The following AJAP1 variants were observed in gnomAD, a reference collection of about 807,000 sequenced individuals.
AJAP1 encodes adherens junctions associated protein 1.
AJAP1 carries 5 observed loss-of-function variants against 35.0 expected under a neutral mutation model. The ratio of observed to expected loss-of-function variants is 0.14; its 90% CI spans 0.07 to 0.30. The LOEUF (loss-of-function observed/expected upper bound fraction) is 0.30, where lower values mean the gene tolerates loss of function less well. Among genes scored for constraint, AJAP1 ranks in the 10% least tolerant of loss-of-function variants. The pLI, the probability that AJAP1 is intolerant of heterozygous loss-of-function variation, is 1.00. For missense variants in AJAP1, 586 were observed against 571.0 expected, an observed-to-expected ratio of 1.03 and a Z score of -0.27; for synonymous variants, 284 against 249.3, an observed-to-expected ratio of 1.14 and a Z score of -1.31.
chr1:4,695,640 A>G (rs777266239), intron 1 of AJAP1, among the ~76,000 whole-genome samples: 4 of 152,158 alleles, frequency 2.6e-5, no homozygotes, highest in Non-Finnish European at 4.4e-5. Context: ...AGGTGTCTGC[A>G]GGGCTGGTTC....
At chr1:4,716,253 T>C (rs1008008409) in intron 2 of AJAP1, among the ~76,000 whole-genome samples, 1 of 152,220 alleles carries the variant, frequency 6.6e-6, no homozygotes, top group African/African-American at 2.4e-5. Flanking sequence ...GGAAATCTTT[T>C]TGAGTTTCAG....
Position 4,692,295 on chromosome 1 carries a change from C to T in AJAP1, c.30-19605C>T, listed in dbSNP as rs1639758983. Among the ~76,000 whole-genome samples, 2 of 152,154 alleles carry T rather than the reference C, an allele frequency of 1.3e-5. 1 individual carries two copies. Among genetic ancestry groups the T allele is most frequent in the South Asian group, 4.1e-4 (2 of 4,834 alleles). On this transcript the variant is annotated intron_variant, in intron 1 of 5. Transcript: ENST00000378191. This position sits in a 1 kb window ranked among gnomAD's most constrained non-coding sequence, Gnocchi z 4.4. The stretch of plus-strand genomic sequence containing the variant: ...TCAGGGCTTCTCGGGCTCCTCACCC[C>T]GCGCCCTGGGCTGCTCTCCTCTCTC...
chr1:4,717,748 G>A (rs1028180659), intron 2 of AJAP1, among the ~76,000 whole-genome samples: 4 of 152,296 alleles, frequency 2.6e-5, no homozygotes, highest in African/African-American at 7.2e-5. Flanking sequence ...AACCTCAGGA[G>A]CAAGCCTCAT....
chr1:4,698,738 C>A (rs1331568296), intron 1 of AJAP1, among the ~76,000 whole-genome samples: 3 of 152,188 alleles, frequency 2.0e-5, no homozygotes, highest in African/African-American at 7.2e-5. Context: ...TTATAAGGCC[C>A]ACCCCTGGCC....
In AJAP1 at chr1:4,790,873, A is replaced by G. The variant is rs775636478; in HGVS notation, c.*8388A>G. 6.6e-6 allele frequency: 1 copy of G among 152,184 alleles called. No individual in the cohort carries two copies. Among genetic ancestry groups the G allele is most frequent in the Non-Finnish European group, 1.5e-5 (1 of 68,028 alleles). 9.4% of individuals were successfully genotyped at this position (152,184 alleles called of 1,614,324 possible). A position where few individuals can be genotyped will look rare whatever the true frequency, so the allele number is the denominator to read the frequency against. On this transcript the variant is annotated 3_prime_UTR_variant, in exon 6 of 6. Coordinates refer to ENST00000378191, the MANE Select transcript of AJAP1 (RefSeq NM_018836.4). ...TGAGATTTGGCAGAAACATGTGCCT[A>G]GTTTGCAGCACCAAATACTGGTCTT...
At chr1:4,771,764 C>T (rs407301) in intron 3 of AJAP1, among the ~76,000 whole-genome samples, 115,971 of 152,030 alleles carry the variant, frequency 0.76, 44,558 homozygotes, top group Middle Eastern at 0.79. Flanking sequence ...AGCTTGTACA[C>T]GTGCCCCTGG....
chr1:4,782,798 G>C lies in AJAP1; in HGVS notation c.*313G>C, dbSNP rs1313135489. On this transcript the variant is annotated 3_prime_UTR_variant, in exon 6 of 6. Coordinates refer to ENST00000378191, the MANE Select transcript of AJAP1 (RefSeq NM_018836.4). This position sits in a 1 kb window ranked among gnomAD's most constrained non-coding sequence, Gnocchi z 5.3. ...AGGAAAGAAAGGAACCAGAGGCAGA[G>C]AGACGAGGATACCCAGCGAAAGGGA... 1.0e-5 allele frequency: 4 copies of C among 398,576 alleles called. No homozygotes were observed. The highest frequency in any genetic ancestry group is 2.1e-5 in the African/African-American group (1 of 48,644). The allele number at this position is 398,576 out of a possible 1,614,324, so 24.7% of individuals were successfully genotyped here.
chr1:4,775,357 C>G (rs974987298), intron 5 of AJAP1, among the ~76,000 whole-genome samples: 2 of 152,214 alleles, frequency 1.3e-5, no homozygotes, highest in Non-Finnish European at 2.9e-5. Context: ...CTTTTCGACG[C>G]TGGGCTTTCT....
At chr1:4,713,318 G>A (rs1249047027) in intron 2 of AJAP1, among the ~76,000 whole-genome samples, 8 of 152,174 alleles carry the variant, frequency 5.3e-5, no homozygotes, top group Non-Finnish European at 1.0e-4. Context: ...GGCACCTTTC[G>A]GCTCCCTGGG....
chr1:4,707,572 T>C (rs978052080), intron 1 of AJAP1, among the ~76,000 whole-genome samples: 2 of 152,202 alleles, frequency 1.3e-5, no homozygotes, highest in Non-Finnish European at 2.9e-5. Flanking sequence ...TTCCACATTG[T>C]AGCATAGATC....
chr1:4,735,534 A>T (rs980601215), intron 2 of AJAP1, among the ~76,000 whole-genome samples: 2 of 152,146 alleles, frequency 1.3e-5, no homozygotes, highest in African/African-American at 2.4e-5. Flanking sequence ...CTGGCCTAAG[A>T]GCTCAGAAAG....
Position 4,787,780 on chromosome 1 carries a change from C to T in AJAP1, c.*5295C>T. The T allele has an allele frequency of 2.2e-6, 1 of 454,574 alleles. No individual in the cohort carries two copies. Among genetic ancestry groups the T allele is most frequent in the Non-Finnish European group, 4.4e-6 (1 of 226,018 alleles). 28.2% of individuals were successfully genotyped at this position (454,574 alleles called of 1,614,324 possible). A position where few individuals can be genotyped will look rare whatever the true frequency, so the allele number is the denominator to read the frequency against. On this transcript the variant is annotated 3_prime_UTR_variant, in exon 6 of 6. Transcript: ENST00000378191. ...AGGGGGTTCAACGTCAGCGACTTGG[C>T]CCACGGGGCACGGGCACCTTGGGGA...
intron 1 of AJAP1, among the ~76,000 whole-genome samples, chr1:4,704,843 G>A (rs543821658): frequency 1.3e-5 from 2 of 152,068 alleles, no homozygotes; most frequent in Admixed American, 6.6e-5. Flanking sequence ...TTTAATGATC[G>A]CCATTCTAAC....
At chr1:4,777,873 T>C (rs954908154) in intron 5 of AJAP1, 1 of 152,218 alleles carries the variant, frequency 6.6e-6, no homozygotes, top group Non-Finnish European at 1.5e-5. Context: ...GGAGCCTGTT[T>C]TTCAAAGCAA....
At chr1:4,695,522 G>C (rs1639839435) in intron 1 of AJAP1, among the ~76,000 whole-genome samples, 1 of 152,148 alleles carries the variant, frequency 6.6e-6, no homozygotes, top group Admixed American at 6.5e-5. Flanking sequence ...GTGGGAACAG[G>C]TGCAGATTCA....
chr1:4,724,904 A>T (rs1199003679), intron 2 of AJAP1, among the ~76,000 whole-genome samples: 1 of 152,244 alleles, frequency 6.6e-6, no homozygotes, highest in Non-Finnish European at 1.5e-5. Flanking sequence ...ACTGATGCCC[A>T]CACTGGAGGG....
intron 2 of AJAP1, among the ~76,000 whole-genome samples, chr1:4,725,618 C>T (rs758034655): frequency 1.8e-4 from 27 of 152,260 alleles, no homozygotes; most frequent in Admixed American, 5.9e-4. Flanking sequence ...CCAACGGAAC[C>T]GGGGGCCTCC....
intron 1 of AJAP1, among the ~76,000 whole-genome samples, chr1:4,675,624 T>A (rs369664066): frequency 1.3e-5 from 2 of 152,360 alleles, no homozygotes; most frequent in African/African-American, 2.4e-5. Context: ...CTCGACTGTA[T>A]GGTGGCCAAG....
At chr1:4,694,632 C>T (rs1166503125) in intron 1 of AJAP1, among the ~76,000 whole-genome samples, 1 of 152,206 alleles carries the variant, frequency 6.6e-6, no homozygotes, top group Non-Finnish European at 1.5e-5. Flanking sequence ...TCGTGGGTCA[C>T]GCGAGGGGTC....
Sources: gnomAD v4.1 joint callset for allele counts (sites outside exome capture counted in the v4.1 genomes callset) on GRCh38, gnomAD v4.1.1 for gene constraint, Gnocchi (gnomAD v3.1) non-coding constraint, MANE v1.5 for transcripts, NCBI Gene and HGNC (gene_info 2026-07-23, HGNC 2026-07-21) for gene names.